GRIK1: variants seen among roughly 807,000 people sequenced by gnomAD.
The protein encoded by GRIK1 is glutamate receptor ionotropic, kainate 1.
Under a neutral mutation model 105.7 loss-of-function variants are expected in GRIK1, and 69 were observed. The ratio of observed to expected loss-of-function variants is 0.65; its 90% CI spans 0.54 to 0.80. GRIK1 has a LOEUF of 0.80. GRIK1 is among the 30% of genes least tolerant of loss of function. The pLI is 0.00. For missense variants in GRIK1, 1,109 were observed against 1,167.3 expected, an observed-to-expected ratio of 0.95 and a Z score of 0.73; for synonymous variants, 438 against 431.3, an observed-to-expected ratio of 1.02 and a Z score of -0.19.
chr21:29,632,054 G>GCATAA (rs1240941926), intron 7 of GRIK1, among the ~76,000 whole-genome samples: 2 of 151,874 alleles, frequency 1.3e-5, no homozygotes, highest in Non-Finnish European at 2.9e-5. Flanking sequence ...TGTATTCAAT[G>GCATAA]CATAAGTTGT....
intron 1 of GRIK1, among the ~76,000 whole-genome samples, chr21:29,832,610 T>G (rs2145970387): frequency 6.6e-6 from 1 of 152,266 alleles, no homozygotes; most frequent in Non-Finnish European, 1.5e-5. Flanking sequence ...TCTGGGGTCC[T>G]TTTAGCCATG....
At chr21:29,847,661 G>A (rs141072665) in intron 1 of GRIK1, among the ~76,000 whole-genome samples, 25 of 152,020 alleles carry the variant, frequency 1.6e-4, no homozygotes, top group Non-Finnish European at 2.9e-4. Context: ...CTATTTCTGG[G>A]CTCTGCATCT....
intron 4 of GRIK1, among the ~76,000 whole-genome samples, chr21:29,665,899 A>G (rs1009814130): frequency 3.3e-5 from 5 of 152,268 alleles, no homozygotes; most frequent in African/African-American, 1.2e-4. Context: ...GAGGATAAAA[A>G]GAAATCATTC....
At chr21:29,570,143 T>C (rs2146209394) in intron 14 of GRIK1, among the ~76,000 whole-genome samples, 1 of 152,228 alleles carries the variant, frequency 6.6e-6, no homozygotes, top group South Asian at 2.1e-4. Context: ...GAGAAACCAA[T>C]AGAGTTAAAT....
chr21:29,663,066 C>T (rs1450959709), intron 4 of GRIK1, among the ~76,000 whole-genome samples: 4 of 152,176 alleles, frequency 2.6e-5, no homozygotes, highest in Admixed American at 2.6e-4. Flanking sequence ...AGGTTATTGA[C>T]ATTTAATTGG....
intron 9 of GRIK1, among the ~76,000 whole-genome samples, chr21:29,591,932 T>C (rs2061339540): frequency 6.6e-6 from 1 of 152,028 alleles, no homozygotes; most frequent in Non-Finnish European, 1.5e-5. Flanking sequence ...ACGCCTGCAG[T>C]CTCAGCTACT....
intron 1 of GRIK1, among the ~76,000 whole-genome samples, chr21:29,817,158 G>A (rs1331623575): frequency 6.6e-6 from 1 of 152,028 alleles, no homozygotes; most frequent in African/African-American, 2.4e-5. Flanking sequence ...AAGGGCACAG[G>A]AGCCAACTTA....
Position 29,782,117 on chromosome 21 carries a change from C to G in GRIK1, c.119-88054G>C, listed in dbSNP as rs551736760. 1.3e-3 allele frequency among the ~76,000 whole-genome samples: 192 copies of G among 146,980 alleles called. 1 individual carries two copies. The highest frequency in any genetic ancestry group is 3.6e-3 in the Middle Eastern group (1 of 276). On this transcript the variant is annotated intron_variant, in intron 1 of 17. Transcript: ENST00000327783. ...TTTTTTTTTTTCTGAGACGGAGTCT[C>G]GCTGTGTCGCCCAGGCTGGAGTGCA...
At chr21:29,901,688 G>A (rs904065707) in intron 1 of GRIK1, among the ~76,000 whole-genome samples, 10 of 152,080 alleles carry the variant, frequency 6.6e-5, no homozygotes, top group Non-Finnish European at 1.2e-4. Context: ...AGGACAAGAC[G>A]GATTCACAGC....
At chr21:29,874,746 T>A (rs1212041757) in intron 1 of GRIK1, among the ~76,000 whole-genome samples, 3 of 152,084 alleles carry the variant, frequency 2.0e-5, no homozygotes, top group African/African-American at 7.2e-5. Context: ...AGAACTGGGA[T>A]GGTAGAAAGT....
In GRIK1 at chr21:29,640,867, T is replaced by C. The variant is rs146658336; in HGVS notation, c.1098+1959A>G. On this transcript the variant is annotated intron_variant, in intron 7 of 17. Transcript: ENST00000327783. ...TGTGATGTTTTTCTATTAGGCACAGTGTGTCAGAGTTATGTAGCTGTCAGA... is the reference window on the plus strand; with the variant it reads ...TGTGATGTTTTTCTATTAGGCACAGCGTGTCAGAGTTATGTAGCTGTCAGA... Among the ~76,000 whole-genome samples the C allele has an allele frequency of 1.1e-4, 17 of 152,290 alleles. No individual in the cohort carries two copies. In the East Asian group the frequency reaches 3.3e-3, roughly 29 times the overall value.
At chr21:29,678,634 G>C (rs1001202022) in intron 3 of GRIK1, among the ~76,000 whole-genome samples, 2 of 152,154 alleles carry the variant, frequency 1.3e-5, no homozygotes, top group African/African-American at 4.8e-5. Flanking sequence ...GTAGAAAAAA[G>C]TGAGTACAGA....
intron 1 of GRIK1, among the ~76,000 whole-genome samples, chr21:29,814,590 T>C (rs1436324485): frequency 6.6e-6 from 1 of 150,642 alleles, no homozygotes; most frequent in African/African-American, 2.5e-5. Context: ...ATCAAATGCT[T>C]CTTCCTTCTG....
chr21:29,643,138 A>G (rs2062548972), intron 6 of GRIK1, among the ~76,000 whole-genome samples, 169 bp from the exon 7 acceptor site: 1 of 152,180 alleles, frequency 6.6e-6, no homozygotes. Flanking sequence ...CTCCAAAATA[A>G]TACCTCACAC....
At position 29,773,660 on chromosome 21, in the gene GRIK1, T is replaced by C. The variant is rs564914868; in HGVS notation, c.119-79597A>G. 3.8e-4 allele frequency among the ~76,000 whole-genome samples: 58 copies of C among 152,208 alleles called. 1 individual carries two copies. The highest frequency in any genetic ancestry group is 1.2e-3 in the African/African-American group (48 of 41,522). ...GTGCATAACAACCTCTCGTACACCA[T>C]AGCTCATCTAGAAAACGATAAAAAT... On this transcript the variant is annotated intron_variant, in intron 1 of 17. Coordinates refer to ENST00000327783, the MANE Select transcript of GRIK1 (RefSeq NM_001330994.2).
At chr21:29,629,652 G>T (rs2146473584) in intron 7 of GRIK1, among the ~76,000 whole-genome samples, 1 of 152,198 alleles carries the variant, frequency 6.6e-6, no homozygotes, top group South Asian at 2.1e-4. Flanking sequence ...ACCACGCCCG[G>T]CTAATTTTTT....
intron 8 of GRIK1, among the ~76,000 whole-genome samples, chr21:29,598,015 A>T (rs977275297): frequency 6.6e-6 from 1 of 152,192 alleles, no homozygotes; most frequent in Non-Finnish European, 1.5e-5. Context: ...GGGAAAAAAA[A>T]TGTCAGATTA....
intron 1 of GRIK1, among the ~76,000 whole-genome samples, chr21:29,868,209 T>C (rs1360954922): frequency 6.6e-6 from 1 of 152,238 alleles, no homozygotes; most frequent in Non-Finnish European, 1.5e-5. Flanking sequence ...TTTTCCCCAG[T>C]GAACATCGAT....
intron 6 of GRIK1, among the ~76,000 whole-genome samples, chr21:29,650,649 A>G (rs941025041): frequency 1.3e-5 from 2 of 152,218 alleles, no homozygotes; most frequent in Admixed American, 6.5e-5. Context: ...GTGAACCTAT[A>G]CGCATCCAGG....
Sources: gnomAD v4.1 joint callset for allele counts (sites outside exome capture counted in the v4.1 genomes callset) on GRCh38, gnomAD v4.1.1 for gene constraint, MANE v1.5 for transcripts, NCBI Gene and HGNC (gene_info 2026-07-23, HGNC 2026-07-21) for gene names.